Variants in FANCC observed in about 807,000 individuals in gnomAD.
The protein encoded by FANCC is Fanconi anemia group C protein.
FANCC carries 55 observed loss-of-function variants against 71.3 expected under a neutral mutation model. That is an observed-to-expected ratio of 0.77 (90% CI 0.62 to 0.97). The LOEUF (loss-of-function observed/expected upper bound fraction) is 0.97. Ranked by LOEUF, FANCC falls within the 50% of genes least tolerant of loss-of-function variation. FANCC has a pLI of 0.00. For missense variants in FANCC, 678 were observed against 670.9 expected (o/e 1.01, Z -0.12); for synonymous variants, 275 against 244.9 (o/e 1.12, Z -1.15).
Position 95,117,320 on chromosome 9 carries a change from G to A in FANCC, c.1067C>T (p.Pro356Leu). 1 of 1,614,008 alleles carries A rather than the reference G, an allele frequency of 6.2e-7. No individual in the cohort carries two copies. Among genetic ancestry groups the A allele is most frequent in the Non-Finnish European group, 8.5e-7 (1 of 1,179,960 alleles). The change falls in exon 11 of 15, where the codon CCT (proline) becomes CTT (leucine). Residue 356 changes from proline (P) to leucine (L), a missense_variant. By Grantham distance (98) the Pro-to-Leu change is moderately conservative. Transcript: ENST00000289081. ...CAAAGTCAACCCTAACTCACCTTGA[G>A]GGTCTTGCAGCAGCACCATGGCAAG... The part of the protein sequence containing the change: ...PSLAMVLLQD[P>L]QDIPRGHWLQ...
rs539736257 is a variant in FANCC, at chr9:95,260,074, C to T, written c.-78-10705G>A. On this transcript the variant is annotated intron_variant, in intron 1 of 14. Transcript: ENST00000289081. ...CGAAGAGGATGTGGAGAAACAGGAA[C>T]GCTTTTACCCTGTTGGTGGGAGTGT... Among the ~76,000 whole-genome samples the T allele has an allele frequency of 9.2e-5, 14 of 152,312 alleles. No homozygotes were observed. The South Asian group carries it at 1.9e-3, about 20-fold the overall frequency.
At chr9:95,211,685 A>G (rs1179084838) in intron 4 of FANCC, among the ~76,000 whole-genome samples, 1 of 152,338 alleles carries the variant, frequency 6.6e-6, no homozygotes, top group East Asian at 1.9e-4. Context: ...GCATCTAATA[A>G]AAAGTTACTA....
chr9:95,272,570 G>A (rs1007444288), intron 1 of FANCC, among the ~76,000 whole-genome samples: 2 of 152,064 alleles, frequency 1.3e-5, no homozygotes, highest in Admixed American at 6.5e-5. Flanking sequence ...GGTGTCATAT[G>A]TCTGTAATCC....
intron 8 of FANCC, among the ~76,000 whole-genome samples, chr9:95,134,447 C>A (rs4647509): frequency 1.3e-5 from 2 of 152,126 alleles, no homozygotes; most frequent in Non-Finnish European, 2.9e-5. Context: ...AAGACCGGAC[C>A]GTTCACTGTG....
chr9:95,179,271 C>CA (rs1378822258), intron 4 of FANCC, among the ~76,000 whole-genome samples: 1 of 152,198 alleles, frequency 6.6e-6, no homozygotes, highest in African/African-American at 2.4e-5. Context: ...TACAAACTCT[C>CA]AGACAAAACC....
At chr9:95,310,974 GT>G (rs1835362727) in intron 1 of FANCC, among the ~76,000 whole-genome samples, 2 of 152,294 alleles carry the variant, frequency 1.3e-5, no homozygotes, top group East Asian at 3.9e-4. Context: ...GCCAGGAGCG[GT>G]GGCTCACGCC....
rs1235892172 is a variant in FANCC at position 95,101,085 on chromosome 9, A to G, written c.*622T>C. The stretch of plus-strand genomic sequence containing the variant: ...TCCCAAGGGCCTTTTGGTAGCAGTT[A>G]GCATCATTTAGCAAATACAGAGTGG... On this transcript the variant is annotated 3_prime_UTR_variant, in exon 15 of 15. Coordinates refer to ENST00000289081, the MANE Select transcript of FANCC (RefSeq NM_000136.3). 4.2e-6 allele frequency: 1 copy of G among 235,968 alleles called. No individual in the cohort carries two copies. Among genetic ancestry groups the G allele is most frequent in the Admixed American group, 5.4e-5 (1 of 18,510 alleles). 14.6% of individuals were successfully genotyped at this position (235,968 alleles called of 1,614,324 possible). A position where few individuals can be genotyped will look rare whatever the true frequency, so the allele number is the denominator to read the frequency against.
intron 3 of FANCC, among the ~76,000 whole-genome samples, chr9:95,246,960 A>G (rs904423768): frequency 1.3e-5 from 2 of 152,224 alleles, no homozygotes; most frequent in Non-Finnish European, 2.9e-5. Context: ...AAAGCAGCCA[A>G]TGTCAAAGGC....
intron 8 of FANCC, among the ~76,000 whole-genome samples, chr9:95,132,182 G>A (rs918878745): frequency 6.6e-6 from 1 of 152,210 alleles, no homozygotes; most frequent in African/African-American, 2.4e-5. Context: ...AAATGGGAGG[G>A]CATGAGAATC....
At chr9:95,184,894 G>A (rs1397339478) in intron 4 of FANCC, among the ~76,000 whole-genome samples, 1 of 152,192 alleles carries the variant, frequency 6.6e-6, no homozygotes, top group African/African-American at 2.4e-5. Context: ...AAGGTACCAA[G>A]TACAGTAAAG....
intron 8 of FANCC, among the ~76,000 whole-genome samples, chr9:95,131,674 A>G (rs897066463): frequency 3.9e-5 from 6 of 152,220 alleles, no homozygotes; most frequent in Non-Finnish European, 8.8e-5. Context: ...GCACCACATT[A>G]AAGAGCTCAA....
intron 6 of FANCC, among the ~76,000 whole-genome samples, chr9:95,152,899 C>T (rs564812482): frequency 6.6e-6 from 1 of 152,000 alleles, no homozygotes; most frequent in Non-Finnish European, 1.5e-5. Context: ...TCTTGGGTTA[C>T]ACACTAAATA....
At chr9:95,210,397 T>C (rs1341544797) in intron 4 of FANCC, among the ~76,000 whole-genome samples, 1 of 149,814 alleles carries the variant, frequency 6.7e-6, no homozygotes, top group Admixed American at 6.7e-5. Flanking sequence ...ATTAAAATGG[T>C]AAAAAAAAAA....
chr9:95,115,396 G>A (rs1489351604), intron 11 of FANCC, among the ~76,000 whole-genome samples: 1 of 152,164 alleles, frequency 6.6e-6, no homozygotes, highest in Non-Finnish European at 1.5e-5. Flanking sequence ...CAAAATAGAC[G>A]GAGACTGTAG....
chr9:95,105,883 G>A (rs554719171), intron 14 of FANCC, among the ~76,000 whole-genome samples: 5 of 152,282 alleles, frequency 3.3e-5, no homozygotes, highest in South Asian at 2.1e-4. Context: ...CTCTACAGGC[G>A]TTTAGGCCAT....
At chr9:95,277,699 A>AC (rs763096056) in intron 1 of FANCC, among the ~76,000 whole-genome samples, 3 of 152,176 alleles carry the variant, frequency 2.0e-5, no homozygotes, top group Non-Finnish European at 2.9e-5. Context: ...TTACAAGGGA[A>AC]CCCCAATAAG....
At chr9:95,178,346 G>A (rs1564726607) in intron 4 of FANCC, among the ~76,000 whole-genome samples, 1 of 152,148 alleles carries the variant, frequency 6.6e-6, no homozygotes, top group Non-Finnish European at 1.5e-5. Context: ...CCTCAGAACT[G>A]TCTTGATGAG....
intron 1 of FANCC, among the ~76,000 whole-genome samples, chr9:95,316,370 A>C (rs369797331): frequency 6.6e-6 from 1 of 152,350 alleles, no homozygotes; most frequent in Non-Finnish European, 1.5e-5. Context: ...ATCTAAGCTT[A>C]GGTAATGAAT....
intron 4 of FANCC, among the ~76,000 whole-genome samples, chr9:95,233,315 T>C (rs768202494): frequency 2.0e-5 from 3 of 152,184 alleles, no homozygotes; most frequent in Non-Finnish European, 4.4e-5. Context: ...AAATAGTAGA[T>C]GGAGCTGTGG....
Sources: gnomAD v4.1 joint callset for allele counts (sites outside exome capture counted in the v4.1 genomes callset) on GRCh38, gnomAD v4.1.1 for gene constraint, MANE v1.5 for transcripts, NCBI Gene and HGNC (gene_info 2026-07-23, HGNC 2026-07-21) for gene names.